CEMIP2: variants seen among roughly 807,000 people sequenced by gnomAD.
CEMIP2 encodes cell migration inducing hyaluronidase 2.
CEMIP2 carries 79 observed loss-of-function variants against 146.9 expected under a neutral mutation model. That is an observed-to-expected ratio of 0.54 (90% CI 0.45 to 0.65). CEMIP2 has a LOEUF of 0.65. CEMIP2 is among the 30% of genes least tolerant of loss of function. The pLI is 0.00. For missense variants in CEMIP2, 1,596 were observed against 1,696.2 expected (o/e 0.94, Z 1.04); for synonymous variants, 601 against 606.3 (o/e 0.99, Z 0.13).
At position 71,685,267 on chromosome 9, in the gene CEMIP2, C is replaced by T; in HGVS notation, c.4082G>A (p.Gly1361Asp). Residue 1361 changes from glycine to aspartate, a missense_variant, in exon 24 of 24, where the codon GGT becomes GAT. Transcript: ENST00000377044. ...QFIPLQLDEY[G>D]CPRATTVRRR... Reference sequence around the variant, plus strand: ...GCGGACAGTGGTGGCTCTGGGACAACCATATTCGTCCAGCTGCAAAGGTAT... The same window carrying T: ...GCGGACAGTGGTGGCTCTGGGACAATCATATTCGTCCAGCTGCAAAGGTAT... 1.2e-6 allele frequency: 2 copies of T among 1,613,706 alleles called. No homozygotes were observed. The highest frequency in any genetic ancestry group is 2.2e-5 in the East Asian group (1 of 44,876).
chr9:71,695,673 CA>C (rs891295313), intron 20 of CEMIP2, among the ~76,000 whole-genome samples: 2 of 150,998 alleles, frequency 1.3e-5, no homozygotes, highest in African/African-American at 4.9e-5. Flanking sequence ...GACTCCATCT[CA>C]AAAAAAACAA....
At position 71,709,937 on chromosome 9, in the gene CEMIP2, T is replaced by G. The variant is rs149295828; in HGVS notation, c.2770-463A>C. 4.7e-3 allele frequency among the ~76,000 whole-genome samples: 717 copies of G among 152,322 alleles called. 6 individuals are homozygous for G. Among genetic ancestry groups the G allele is most frequent in the African/African-American group, 0.017 (700 of 41,560 alleles). On this transcript the variant is annotated intron_variant, in intron 16 of 23. Transcript: ENST00000377044. ...ATAAAAAATCTATGATAAGTTATCTTCAGAGCTAGTTAATCATTTTATCTC... is the reference window on the plus strand; with the variant it reads ...ATAAAAAATCTATGATAAGTTATCTGCAGAGCTAGTTAATCATTTTATCTC...
In CEMIP2 at chr9:71,758,222, A is replaced by G. The variant is rs556950733; in HGVS notation, c.-12-7837T>C. Among the ~76,000 whole-genome samples the G allele has an allele frequency of 3.9e-5, 6 of 152,346 alleles. No individual in the cohort carries two copies. The South Asian group carries it at 6.2e-4, about 16-fold the overall frequency. On this transcript the variant is annotated intron_variant, in intron 1 of 23. Coordinates refer to ENST00000377044, the MANE Select transcript of CEMIP2 (RefSeq NM_013390.3). ...CAACTTTCATTCAGAGATCTGCTCG[A>G]TTGTGTATTAGCATACTCTCAAAGA... is the stretch of plus-strand genomic sequence containing the variant.
chr9:71,750,067 T>G lies in CEMIP2; in HGVS notation c.307A>C (p.Ile103Leu). 1 of 1,608,288 alleles carries G rather than the reference T, an allele frequency of 6.2e-7. No homozygotes were observed. The highest frequency in any genetic ancestry group is 8.5e-7 in the Non-Finnish European group (1 of 1,176,892). The change falls in exon 2 of 24, where the codon ATA becomes CTA. Residue 103 changes from isoleucine to leucine, a missense_variant. Ile to Leu is a conservative substitution (Grantham distance 5, BLOSUM62 2). Coordinates refer to ENST00000377044, the MANE Select transcript of CEMIP2 (RefSeq NM_013390.3). ...CCATCTGGAGCATATTTTGAGGATA[T>G]TCCTAAAATGATTGCAAGTGCAATA... ...FFIALAIILG[I>L]SSKYAPDENC...
intron 10 of CEMIP2, among the ~76,000 whole-genome samples, chr9:71,728,487 G>GA (rs1029653780): frequency 1.7e-4 from 24 of 145,416 alleles, no homozygotes; most frequent in Non-Finnish European, 2.3e-4. Flanking sequence ...GTCTCAGGGA[G>GA]AAAAAAAAAG....
At position 71,718,088 on chromosome 9, in the gene CEMIP2, TA is replaced by T. The variant is rs1433655612; in HGVS notation, c.2268-10del. The T allele has an allele frequency of 2.5e-6, 4 of 1,589,046 alleles. No homozygotes were observed. The highest frequency in any genetic ancestry group is 1.2e-5 in the South Asian group (1 of 84,694). On this transcript the variant is annotated splice_polypyrimidine_tract_variant and intron_variant, in intron 12 of 23. Coordinates refer to ENST00000377044, the MANE Select transcript of CEMIP2 (RefSeq NM_013390.3). ...CCTGATGAGGTCGAAATCTAGGGGT[TA>T]AAAAAAGAATTTTAAAAAATATAAC...
At chr9:71,753,311 C>T (rs1824315942) in intron 1 of CEMIP2, among the ~76,000 whole-genome samples, 1 of 152,064 alleles carries the variant, frequency 6.6e-6, no homozygotes, top group African/African-American at 2.4e-5. Flanking sequence ...GATAATGGGT[C>T]TCCAGATGTG....
rs757629212 is a variant in CEMIP2, at chr9:71,732,337, A to AT, written c.1563+13dup. On this transcript the variant is annotated intron_variant, in intron 7 of 23. Coordinates refer to ENST00000377044, the MANE Select transcript of CEMIP2 (RefSeq NM_013390.3). ...ACCAGGATTTCAAAGAAATAATCAA[A>AT]TCCTTTTGCCTACCATAATGTGTCC... 6.3e-7 allele frequency: 1 copy of AT among 1,575,420 alleles called. No homozygotes were observed. The highest frequency in any genetic ancestry group is 1.4e-5 in the African/African-American group (1 of 72,936).
At position 71,750,380 on chromosome 9, in the gene CEMIP2, CTG is replaced by C. The variant is rs775790869; in HGVS notation, c.-9_-8del. 8 of 1,559,146 alleles carry C rather than the reference CTG, an allele frequency of 5.1e-6. No homozygotes were observed. In the East Asian group the frequency reaches 1.4e-4, roughly 26 times the overall value. On this transcript the variant is annotated 5_prime_UTR_variant, in exon 2 of 24. Transcript: ENST00000377044. Reference sequence around the variant, plus strand: ...TGGAATCAGTGGCATACATGATACACTGTTACTGTGAAAAGAAAAAAAAATTA... The same window carrying C: ...TGGAATCAGTGGCATACATGATACACTTACTGTGAAAAGAAAAAAAAATTA...
chr9:71,712,638 A>G (rs1822941050), intron 15 of CEMIP2, among the ~76,000 whole-genome samples: 1 of 152,130 alleles, frequency 6.6e-6, no homozygotes, highest in Non-Finnish European at 1.5e-5. Context: ...TTCGTTTCCA[A>G]ATCTCCAACC....
rs2132007848 is a variant in CEMIP2, at chr9:71,745,424, C to T, written c.628G>A (p.Glu210Lys). Reference protein sequence around the residue: ...ATITLYGKSDEGESMPTFGKK... With the variant: ...ATITLYGKSDKGESMPTFGKK... Reference sequence around the variant, plus strand: ...CCAAATGTTGGCATACTTTCACCTTCATCTGACTTGCCATACAAGGTAATT... The same window carrying T: ...CCAAATGTTGGCATACTTTCACCTTTATCTGACTTGCCATACAAGGTAATT... Residue 210 changes from glutamate to lysine, a missense_variant, in exon 4 of 24, where the codon GAA becomes AAA. Transcript: ENST00000377044. 1 of 1,614,146 alleles carries T rather than the reference C, an allele frequency of 6.2e-7. No individual in the cohort carries two copies. Among genetic ancestry groups the T allele is most frequent in the Non-Finnish European group, 8.5e-7 (1 of 1,180,016 alleles).
chr9:71,746,420 A>G, intron 2 of CEMIP2, 79 bp from the exon 3 acceptor site: 1 of 1,535,844 alleles, frequency 6.5e-7, no homozygotes, highest in Admixed American at 1.9e-5. Context: ...ACCATTATTT[A>G]CTGCAGATCT....
rs572570337 is a variant in CEMIP2 at position 71,758,878 on chromosome 9, C to G, written c.-12-8493G>C. On this transcript the variant is annotated intron_variant, in intron 1 of 23. Coordinates refer to ENST00000377044, the MANE Select transcript of CEMIP2 (RefSeq NM_013390.3). ...CATGCCTTCACACTGTCCCACAAGG[C>G]GCATTCTCCATTATTTCTTTGCCCT... Among the ~76,000 whole-genome samples, 12 of 152,248 alleles carry G rather than the reference C, an allele frequency of 7.9e-5. No individual in the cohort carries two copies. In the Middle Eastern group the frequency reaches 0.01, roughly 129 times the overall value.
At chr9:71,717,759 C>T (rs1823109292) in intron 13 of CEMIP2, among the ~76,000 whole-genome samples, 189 bp downstream of exon 13, 1 of 152,084 alleles carries the variant, frequency 6.6e-6, no homozygotes, top group South Asian at 2.1e-4. Flanking sequence ...ATAAAAGCAC[C>T]AGAATGAGAC....
intron 18 of CEMIP2, among the ~76,000 whole-genome samples, chr9:71,702,890 T>C (rs771254696): frequency 2.2e-4 from 33 of 152,188 alleles, no homozygotes; most frequent in Non-Finnish European, 4.1e-4. Flanking sequence ...GTATGCACGG[T>C]ACTTTACAAA....
chr9:71,703,666 T>A, intron 18 of CEMIP2, among the ~76,000 whole-genome samples: 1 of 152,166 alleles, frequency 6.6e-6, no homozygotes. Flanking sequence ...AAGATACATG[T>A]GGTTTACCCC....
At chr9:71,691,674 T>C (rs1003563404) in intron 21 of CEMIP2, among the ~76,000 whole-genome samples, 2 of 151,936 alleles carry the variant, frequency 1.3e-5, no homozygotes, top group African/African-American at 4.8e-5. Context: ...ATACTTTCCA[T>C]GAAAACTAAA....
chr9:71,732,080 G>GT (rs919133119), intron 7 of CEMIP2, among the ~76,000 whole-genome samples: 1 of 151,260 alleles, frequency 6.6e-6, no homozygotes, highest in African/African-American at 2.4e-5. Context: ...GTTTTGTTTT[G>GT]TTTTTTGGTC....
chr9:71,732,351 CATA>C lies in CEMIP2; in HGVS notation c.1560_1562del (p.Ile520del), dbSNP rs780827896. 3 of 1,605,416 alleles carry C rather than the reference CATA, an allele frequency of 1.9e-6. No individual in the cohort carries two copies. Among genetic ancestry groups the C allele is most frequent in the Non-Finnish European group, 2.5e-6 (3 of 1,177,250 alleles). ...GAAATAATCAAATCCTTTTGCCTAC[CATA>C]ATGTGTCCCCCAAAGGTATCATAAT... On this transcript the variant is annotated inframe_deletion and splice_region_variant, in exon 7 of 24. Coordinates refer to ENST00000377044, the MANE Select transcript of CEMIP2 (RefSeq NM_013390.3).
Sources: allele counts gnomAD v4.1 joint callset (sites outside exome capture counted in the v4.1 genomes callset), GRCh38; gene constraint gnomAD v4.1.1; transcripts MANE v1.5; gene names NCBI Gene and HGNC (gene_info 2026-07-23, HGNC 2026-07-21).